PPP1R7: variants seen among roughly 807,000 people sequenced by gnomAD.
The protein encoded by PPP1R7 is protein phosphatase 1 regulatory subunit 22.
Under a neutral mutation model 45.2 loss-of-function variants are expected in PPP1R7, and 18 were observed. That is an observed-to-expected ratio of 0.40 (90% CI 0.28 to 0.59). The LOEUF (loss-of-function observed/expected upper bound fraction) is 0.59. PPP1R7 is among the 20% of genes least tolerant of loss of function. The pLI is 0.46. For missense variants in PPP1R7, 314 were observed against 455.8 expected (o/e 0.69, Z 2.83); for synonymous variants, 181 against 183.4 (o/e 0.99, Z 0.11).
Position 241,182,830 on chromosome 2 carries a change from C to G in PPP1R7, c.*7C>G. Reference sequence around the variant, plus strand: ...CACGTTCGTCAGGTTCTGAGTCCTTCTTGGCTCCTCATGTGGTCCCTCTCC... The same window carrying G: ...CACGTTCGTCAGGTTCTGAGTCCTTGTTGGCTCCTCATGTGGTCCCTCTCC... On this transcript the variant is annotated 3_prime_UTR_variant, in exon 10 of 10. Coordinates refer to ENST00000234038, the MANE Select transcript of PPP1R7 (RefSeq NM_002712.3). 2 of 1,606,288 alleles carry G rather than the reference C, an allele frequency of 1.2e-6. 1 individual carries two copies. Among genetic ancestry groups the G allele is most frequent in the South Asian group, 2.2e-5 (2 of 90,968 alleles).
At position 241,182,858 on chromosome 2, in the gene PPP1R7, G is replaced by T. The variant is rs764144527; in HGVS notation, c.*35G>T. On this transcript the variant is annotated 3_prime_UTR_variant, in exon 10 of 10. Transcript: ENST00000234038. ...GGCTCCTCATGTGGTCCCTCTCCTC[G>T]GAAGAACTGCCCAGCCACGGGTTTT... is the stretch of plus-strand genomic sequence containing the variant. The T allele has an allele frequency of 7.5e-6, 12 of 1,591,872 alleles. No homozygotes were observed. The highest frequency in any genetic ancestry group is 1.7e-5 in the Admixed American group (1 of 59,308).
intron 8 of PPP1R7, among the ~76,000 whole-genome samples, chr2:241,169,117 ACT>A: frequency 6.6e-6 from 1 of 152,084 alleles, no homozygotes; most frequent in East Asian, 1.9e-4. Flanking sequence ...CTAAAAACAC[ACT>A]CTTGTCTCCC....
chr2:241,153,812 A>T (rs1294504919), intron 2 of PPP1R7, among the ~76,000 whole-genome samples: 1 of 152,138 alleles, frequency 6.6e-6, no homozygotes, highest in Admixed American at 6.6e-5. Flanking sequence ...TGCAAAAAGG[A>T]TGTGGTTTTT....
intron 9 of PPP1R7, among the ~76,000 whole-genome samples, chr2:241,182,046 G>T (rs530253466): frequency 6.6e-6 from 1 of 152,112 alleles, no homozygotes; most frequent in Non-Finnish European, 1.5e-5. Flanking sequence ...CCAAAGGCAG[G>T]TCCCTCCAAC....
At chr2:241,180,413 G>GA (rs2067981911) in intron 9 of PPP1R7, among the ~76,000 whole-genome samples, 1 of 121,468 alleles carries the variant, frequency 8.2e-6, no homozygotes. Flanking sequence ...AAAAAAAAGT[G>GA]AAAAAATCGC....
At chr2:241,180,540 T>TGTGTGCATCATTTTC (rs781194316) in intron 9 of PPP1R7, among the ~76,000 whole-genome samples, 6 of 152,088 alleles carry the variant, frequency 3.9e-5, no homozygotes, top group Non-Finnish European at 7.3e-5. Context: ...TTAAGGCGTG[T>TGTGTGCATCATTTTC]GTGTGCATCA....
chr2:241,150,673 C>T, intron 1 of PPP1R7, 126 bp downstream of exon 1: 3 of 1,300,986 alleles, frequency 2.3e-6, no homozygotes, highest in African/African-American at 1.5e-5. Context: ...GGCCCCCTGA[C>T]AGCTGACAGC....
chr2:241,157,967 C>A, intron 3 of PPP1R7, 105 bp downstream of exon 3: 1 of 1,215,634 alleles, frequency 8.2e-7, no homozygotes, highest in Non-Finnish European at 1.2e-6. Flanking sequence ...GTGGCCTAAG[C>A]CTCCCTTGGT....
At chr2:241,173,889 C>T (rs1159102847) in intron 9 of PPP1R7, among the ~76,000 whole-genome samples, 7 of 149,878 alleles carry the variant, frequency 4.7e-5, no homozygotes, top group Non-Finnish European at 7.4e-5. Context: ...CTGTATTTTT[C>T]TCAACTCTAA....
upstream of PPP1R7, chr2:241,149,822 C>T: frequency 2.0e-6 from 3 of 1,526,760 alleles, no homozygotes; most frequent in Non-Finnish European, 2.6e-6. Flanking sequence ...GCAGCGTCCG[C>T]ACTGGGCTGG....
At chr2:241,176,161 C>G (rs1358672099) in intron 9 of PPP1R7, among the ~76,000 whole-genome samples, 1 of 152,170 alleles carries the variant, frequency 6.6e-6, no homozygotes, top group East Asian at 1.9e-4. Flanking sequence ...AATCCTCCTG[C>G]CTGGGCCTCC....
chr2:241,178,582 G>A (rs372644786), intron 9 of PPP1R7, among the ~76,000 whole-genome samples: 5 of 119,764 alleles, frequency 4.2e-5, no homozygotes, highest in East Asian at 2.5e-4. Flanking sequence ...TCAACCTCCC[G>A]AGTAGCTAGG....
chr2:241,169,978 A>T (rs1266545099), intron 9 of PPP1R7, 111 bp downstream of exon 9: 1 of 862,286 alleles, frequency 1.2e-6, no homozygotes, highest in African/African-American at 1.7e-5. Flanking sequence ...ATGCTGAGTG[A>T]CTCCGCACAT....
intron 1 of PPP1R7, among the ~76,000 whole-genome samples, chr2:241,151,194 A>C (rs1185721720): frequency 6.6e-6 from 1 of 152,242 alleles, no homozygotes; most frequent in Admixed American, 6.5e-5. Flanking sequence ...AGGTACAGTC[A>C]TATACGTGCA....
chr2:241,180,410 AG>A (rs977529163), intron 9 of PPP1R7, among the ~76,000 whole-genome samples: 11 of 148,556 alleles, frequency 7.4e-5, no homozygotes, highest in Non-Finnish European at 1.3e-4. Flanking sequence ...AAAAAAAAAA[AG>A]TGAAAAAATC....
At chr2:241,151,689 A>G (rs2067313204) in intron 1 of PPP1R7, 1 of 394,456 alleles carries the variant, frequency 2.5e-6, no homozygotes, top group Non-Finnish European at 5.3e-6. Flanking sequence ...AGCTGTTTCC[A>G]TGTCTTGGTA....
chr2:241,155,569 A>G (rs1438451552), intron 2 of PPP1R7, among the ~76,000 whole-genome samples: 1 of 152,276 alleles, frequency 6.6e-6, no homozygotes, highest in African/African-American at 2.4e-5. Flanking sequence ...TGATGAATAT[A>G]TAATACACTC....
At chr2:241,150,047 G>A, upstream of PPP1R7, 2 of 1,368,170 alleles carry the variant, frequency 1.5e-6, no homozygotes, top group Non-Finnish European at 9.4e-7. Flanking sequence ...GGCTCGCAGA[G>A]GTCAGGGATG....
At chr2:241,177,415 T>TA (rs35336750) in intron 9 of PPP1R7, among the ~76,000 whole-genome samples, 42,387 of 145,298 alleles carry the variant, frequency 0.29, 6,947 homozygotes, top group Middle Eastern at 0.39. Flanking sequence ...GACTCCACCT[T>TA]AAAAAAAAAA....
Sources: gnomAD v4.1 joint callset for allele counts (sites outside exome capture counted in the v4.1 genomes callset) on GRCh38, gnomAD v4.1.1 for gene constraint, MANE v1.5 for transcripts, NCBI Gene and HGNC (gene_info 2026-07-23, HGNC 2026-07-21) for gene names.